Variants in GPC6 observed in about 807,000 individuals in gnomAD.
The protein encoded by GPC6 is glypican-6.
GPC6 carries 14 observed loss-of-function variants against 55.2 expected under a neutral mutation model. The ratio of observed to expected loss-of-function variants is 0.25; its 90% CI spans 0.17 to 0.40. The LOEUF (loss-of-function observed/expected upper bound fraction) is 0.40. Ranked by LOEUF, GPC6 falls within the 10% of genes least tolerant of loss-of-function variation. GPC6 has a pLI of 1.00. For missense variants in GPC6, 641 were observed against 708.5 expected (o/e 0.90, Z 1.08); for synonymous variants, 278 against 259.6 (o/e 1.07, Z -0.68).
intron 1 of GPC6, among the ~76,000 whole-genome samples, chr13:93,339,470 C>G (rs1397287688): frequency 6.6e-6 from 1 of 151,792 alleles, no homozygotes; most frequent in Non-Finnish European, 1.5e-5. Context: ...GTCAGGTCAG[C>G]ACTGACTTTA....
At chr13:94,180,504 G>A (rs1240562837) in intron 4 of GPC6, among the ~76,000 whole-genome samples, 1 of 152,160 alleles carries the variant, frequency 6.6e-6, no homozygotes, top group Non-Finnish European at 1.5e-5. Flanking sequence ...ATCGATGAAT[G>A]AAACCACCAT....
At chr13:93,994,843 CTT>C (rs930266792) in intron 3 of GPC6, among the ~76,000 whole-genome samples, 4 of 152,164 alleles carry the variant, frequency 2.6e-5, no homozygotes, top group Non-Finnish European at 5.9e-5. Flanking sequence ...ATCTAATAAA[CTT>C]TTATCAAACA....
At chr13:93,228,134 C>T (rs371010478) in intron 1 of GPC6, among the ~76,000 whole-genome samples, 30 of 152,248 alleles carry the variant, frequency 2.0e-4, no homozygotes, top group African/African-American at 6.5e-4. Context: ...ATCCGTCCTT[C>T]GGGCGACAGA....
At chr13:93,614,476 A>G (rs1343250364) in intron 2 of GPC6, among the ~76,000 whole-genome samples, 1 of 152,178 alleles carries the variant, frequency 6.6e-6, no homozygotes, top group African/African-American at 2.4e-5. Flanking sequence ...TCTGCAAATC[A>G]GGTGTAGTAA....
intron 4 of GPC6, among the ~76,000 whole-genome samples, chr13:94,232,243 A>G (rs1432009097): frequency 6.6e-6 from 1 of 152,178 alleles, no homozygotes; most frequent in African/African-American, 2.4e-5. Flanking sequence ...TTAAATTTAA[A>G]CAAGGACTAA....
intron 2 of GPC6, among the ~76,000 whole-genome samples, chr13:93,564,078 C>A (rs1219772781): frequency 6.6e-6 from 1 of 151,924 alleles, no homozygotes; most frequent in Admixed American, 6.6e-5. Context: ...ACATTTTTCA[C>A]ACAAAATTTT....
At chr13:93,237,879 G>A (rs1438933648) in intron 1 of GPC6, among the ~76,000 whole-genome samples, 2 of 151,956 alleles carry the variant, frequency 1.3e-5, no homozygotes, top group African/African-American at 4.8e-5. Flanking sequence ...TGGTTGTAGG[G>A]ATTAGGCTTT....
intron 4 of GPC6, among the ~76,000 whole-genome samples, chr13:94,195,758 C>T (rs934234219): frequency 6.6e-6 from 1 of 152,220 alleles, no homozygotes; most frequent in Non-Finnish European, 1.5e-5. Context: ...GCCACCATCT[C>T]AGAAGTCAAT....
chr13:93,450,772 T>C (rs1300046780), intron 1 of GPC6: 1 of 847,466 alleles, frequency 1.2e-6, no homozygotes, highest in East Asian at 1.2e-4. Context: ...TAGGAAATAG[T>C]TTATTTATGA....
At chr13:93,592,543 C>T (rs888974229) in intron 2 of GPC6, among the ~76,000 whole-genome samples, 13 of 150,872 alleles carry the variant, frequency 8.6e-5, no homozygotes, top group Non-Finnish European at 1.3e-4. Flanking sequence ...CCACCACACC[C>T]GGCCCTCTCC....
intron 1 of GPC6, among the ~76,000 whole-genome samples, chr13:93,301,428 G>A (rs1470781171): frequency 2.0e-5 from 3 of 152,138 alleles, no homozygotes; most frequent in Non-Finnish European, 4.4e-5. Context: ...TCAGAGAATG[G>A]GACCACCATG....
At chr13:94,038,600 C>T (rs927441487) in intron 4 of GPC6, among the ~76,000 whole-genome samples, 1 of 151,916 alleles carries the variant, frequency 6.6e-6, no homozygotes, top group African/African-American at 2.4e-5. Flanking sequence ...CTGCATAAAT[C>T]TCAGTTTTCT....
chr13:93,302,559 T>C (rs1361357514), intron 1 of GPC6, among the ~76,000 whole-genome samples: 1 of 152,226 alleles, frequency 6.6e-6, no homozygotes, highest in Non-Finnish European at 1.5e-5. Context: ...TAGGGCTGAA[T>C]GTCAGAGGGG....
intron 4 of GPC6, among the ~76,000 whole-genome samples, chr13:94,059,534 C>T (rs1298187962): frequency 1.3e-5 from 2 of 151,978 alleles, no homozygotes; most frequent in South Asian, 2.1e-4. Flanking sequence ...CCCATGAACA[C>T]GAACGTGTTC....
chr13:94,288,680 T>C (rs901386271), intron 5 of GPC6, among the ~76,000 whole-genome samples: 3 of 144,230 alleles, frequency 2.1e-5, no homozygotes, highest in Non-Finnish European at 4.5e-5. Flanking sequence ...CTTGCAATTC[T>C]CTATCACAGA....
intron 1 of GPC6, among the ~76,000 whole-genome samples, chr13:93,382,942 C>A (rs1317848582): frequency 1.3e-5 from 2 of 152,262 alleles, no homozygotes; most frequent in South Asian, 4.1e-4. Flanking sequence ...CCCACCCATC[C>A]TTTCCCTCTC....
intron 6 of GPC6, among the ~76,000 whole-genome samples, chr13:94,369,648 C>T (rs1267455823): frequency 6.6e-6 from 1 of 152,140 alleles, no homozygotes; most frequent in African/African-American, 2.4e-5. Flanking sequence ...CCCCAGGTGT[C>T]CATCTTACCT....
At chr13:93,906,314 C>A (rs760373529) in intron 3 of GPC6, among the ~76,000 whole-genome samples, 2 of 152,162 alleles carry the variant, frequency 1.3e-5, no homozygotes, top group Non-Finnish European at 2.9e-5. Context: ...GTAATTGAAA[C>A]CTTCCAGTCC....
chr13:94,347,424 T>G (rs1306792557), intron 6 of GPC6, among the ~76,000 whole-genome samples: 1 of 152,220 alleles, frequency 6.6e-6, no homozygotes, highest in African/African-American at 2.4e-5. Flanking sequence ...TGTGCTTTGA[T>G]GGAGTATGAT....
Sources: gnomAD v4.1 joint callset for allele counts (sites outside exome capture counted in the v4.1 genomes callset) on GRCh38, gnomAD v4.1.1 for gene constraint, MANE v1.5 for transcripts, NCBI Gene and HGNC (gene_info 2026-07-23, HGNC 2026-07-21) for gene names.